TPD52: variants seen among roughly 807,000 people sequenced by gnomAD.
The protein encoded by TPD52 is prostate and colon associated protein.
TPD52 carries 17 observed loss-of-function variants against 31.3 expected under a neutral mutation model. The observed-to-expected ratio is 0.54, with a 90% CI of 0.37 to 0.82. The LOEUF (loss-of-function observed/expected upper bound fraction) is 0.82, where lower values mean the gene tolerates loss of function less well. Ranked by LOEUF, TPD52 falls within the 40% of genes least tolerant of loss-of-function variation. The pLI is 0.00. For synonymous variants in TPD52, 83 were observed against 89.6 expected (o/e 0.93, Z 0.42); for missense variants, 212 against 240.1 (o/e 0.88, Z 0.77).
In TPD52 at chr8:80,171,505, G is replaced by C; in HGVS notation, c.-62C>G. 1 of 1,513,418 alleles carries C rather than the reference G, an allele frequency of 6.6e-7. No homozygotes were observed. Among genetic ancestry groups the C allele is most frequent in the South Asian group, 1.2e-5 (1 of 80,458 alleles). 93.7% of individuals were successfully genotyped at this position (1,513,418 alleles called of 1,614,324 possible). A position where few individuals can be genotyped will look rare whatever the true frequency, so the allele number is the denominator to read the frequency against. ...CCCGCCTGCAGCCCGTCCCGGCTCG[G>C]ATCGCCCGCCGCGCCGCGCAGAGCT... is the stretch of plus-strand genomic sequence containing the variant. On this transcript the variant is annotated 5_prime_UTR_variant, in exon 1 of 8. It adds an upstream start codon to the 5' untranslated region. Transcript: ENST00000518937.
At chr8:80,104,616 T>G (rs1806974313) in intron 1 of TPD52, among the ~76,000 whole-genome samples, 1 of 148,526 alleles carries the variant, frequency 6.7e-6, no homozygotes, top group Non-Finnish European at 1.5e-5. Flanking sequence ...TATTTTTTAC[T>G]GGCATGTAGA....
chr8:80,073,468 G>A (rs914022114), intron 1 of TPD52, among the ~76,000 whole-genome samples: 2 of 152,226 alleles, frequency 1.3e-5, no homozygotes, highest in Non-Finnish European at 2.9e-5. Context: ...CTGAGAAACA[G>A]TTCTTGGCTC....
intron 2 of TPD52, among the ~76,000 whole-genome samples, chr8:80,062,503 A>T: frequency 6.6e-6 from 1 of 152,220 alleles, no homozygotes; most frequent in Non-Finnish European, 1.5e-5. Flanking sequence ...ATATCACACC[A>T]AAAGCACAAA....
chr8:80,074,780 G>A (rs940799031), intron 1 of TPD52, among the ~76,000 whole-genome samples: 1 of 152,142 alleles, frequency 6.6e-6, no homozygotes, highest in Admixed American at 6.5e-5. Flanking sequence ...AGCTCAGGCC[G>A]TGACAACTTT....
Position 80,095,928 on chromosome 8 carries a change from C to A in TPD52, c.20-31335G>T, listed in dbSNP as rs1586289184. ...GCGACACTGCACTCCAGCCTGGCAA[C>A]AGAGTGAGACTCCATCTCTACATAC... On this transcript the variant is annotated intron_variant, in intron 1 of 7. Coordinates refer to ENST00000518937, the MANE Select transcript of TPD52 (RefSeq NM_001025253.3). Among the ~76,000 whole-genome samples, 6 of 148,916 alleles carry A rather than the reference C, an allele frequency of 4.0e-5. No homozygotes were observed. In the South Asian group the frequency reaches 1.1e-3, roughly 26 times the overall value.
intron 1 of TPD52, among the ~76,000 whole-genome samples, chr8:80,154,509 T>C (rs2131215491): frequency 6.6e-6 from 1 of 152,326 alleles, no homozygotes; most frequent in South Asian, 2.1e-4. Flanking sequence ...AAAAATCAAA[T>C]GTCCTCTTCA....
chr8:80,103,805 T>C (rs28704840), intron 1 of TPD52, among the ~76,000 whole-genome samples: 11,764 of 152,194 alleles, frequency 0.077, 1,553 homozygotes, highest in African/African-American at 0.27. Context: ...CCAACTAGGT[T>C]AGACAAAAAC....
At chr8:80,120,787 A>G (rs1439293027) in intron 1 of TPD52, among the ~76,000 whole-genome samples, 3 of 152,182 alleles carry the variant, frequency 2.0e-5, no homozygotes, top group African/African-American at 7.2e-5. Context: ...GTCATTTAAA[A>G]CAAAAAATCA....
rs2130688247 is a variant in TPD52 at position 80,064,499 on chromosome 8, C to T, written c.114G>A (p.Glu38=). The part of the protein sequence containing the change: ...TETLSEEEQE[E]LRRELAKVEE... ...TTACCTTTGCAAGTTCTCTTCTTAG[C>T]TCTTCCTGCTCCTCTTCCGAGAGGG... The change falls in exon 2 of 8, where the codon GAG becomes GAA. Residue 38 remains glutamate (E), a synonymous_variant. Transcript: ENST00000518937. 1 of 1,614,096 alleles carries T rather than the reference C, an allele frequency of 6.2e-7. No individual in the cohort carries two copies. The highest frequency in any genetic ancestry group is 2.2e-5 in the East Asian group (1 of 44,880).
intron 2 of TPD52, among the ~76,000 whole-genome samples, chr8:80,053,949 T>C (rs969702650): frequency 6.6e-6 from 1 of 152,172 alleles, no homozygotes; most frequent in Non-Finnish European, 1.5e-5. Flanking sequence ...ACTGGATACA[T>C]ATACTCAGTC....
intron 1 of TPD52, among the ~76,000 whole-genome samples, chr8:80,148,317 A>AGTGTGTGT (rs34231994): frequency 0.17 from 24,548 of 143,740 alleles, 2,098 homozygotes; most frequent in Middle Eastern, 0.24. Context: ...TTCCTGGCTA[A>AGTGTGTGT]GTGTGTGTGT....
chr8:80,144,761 G>A (rs1257300878), intron 1 of TPD52, among the ~76,000 whole-genome samples: 1 of 152,144 alleles, frequency 6.6e-6, no homozygotes, highest in East Asian at 1.9e-4. Context: ...CTGTCTCCTT[G>A]ACATGGCTTT....
chr8:80,147,881 CCTA>C (rs765300620), intron 1 of TPD52, among the ~76,000 whole-genome samples: 4 of 151,978 alleles, frequency 2.6e-5, no homozygotes, highest in Admixed American at 1.3e-4. Context: ...TACTTTATTT[CCTA>C]CTAACTTCAT....
chr8:80,121,341 G>C (rs1808243998), intron 1 of TPD52, among the ~76,000 whole-genome samples: 1 of 152,170 alleles, frequency 6.6e-6, no homozygotes, highest in Admixed American at 6.6e-5. Context: ...CAGTAAACAT[G>C]AAAGTGACAA....
At chr8:80,123,315 A>T (rs970660444) in intron 1 of TPD52, among the ~76,000 whole-genome samples, 1 of 152,320 alleles carries the variant, frequency 6.6e-6, no homozygotes, top group East Asian at 1.9e-4. Context: ...ATTCAAAATA[A>T]AATGTGTAGG....
chr8:80,145,391 G>T (rs1457705992), intron 1 of TPD52, among the ~76,000 whole-genome samples: 2 of 152,164 alleles, frequency 1.3e-5, no homozygotes, highest in Admixed American at 1.3e-4. Context: ...ACAAAAGGTC[G>T]AACACATTTT....
intron 1 of TPD52, among the ~76,000 whole-genome samples, chr8:80,152,179 C>A (rs936105155): frequency 1.3e-5 from 2 of 152,122 alleles, no homozygotes; most frequent in Non-Finnish European, 2.9e-5. Flanking sequence ...TTCATGCCCC[C>A]CCGACCCCAG....
chr8:80,154,759 C>G lies in TPD52; in HGVS notation c.19+16666G>C, dbSNP rs554172867. Among the ~76,000 whole-genome samples the G allele has an allele frequency of 6.8e-4, 100 of 147,392 alleles. 1 individual carries two copies. The highest frequency in any genetic ancestry group is 1.7e-3 in the African/African-American group (68 of 40,070). On this transcript the variant is annotated intron_variant, in intron 1 of 7. Transcript: ENST00000518937. Reference sequence around the variant, plus strand: ...CACACACACACACACACACAAAACACCTACATTAGCTTTGAAGTAGCAATG... The same window carrying G: ...CACACACACACACACACACAAAACAGCTACATTAGCTTTGAAGTAGCAATG...
chr8:80,138,593 AC>A (rs1250452134), intron 1 of TPD52, among the ~76,000 whole-genome samples: 1 of 152,184 alleles, frequency 6.6e-6, no homozygotes, highest in Non-Finnish European at 1.5e-5. Context: ...CAAATAAAAA[AC>A]TAAAACTGAA....
Sources: allele counts gnomAD v4.1 joint callset (sites outside exome capture counted in the v4.1 genomes callset), GRCh38; gene constraint gnomAD v4.1.1; transcripts MANE v1.5; gene names NCBI Gene and HGNC (gene_info 2026-07-23, HGNC 2026-07-21).